Variants in EHBP1 observed in about 807,000 individuals in gnomAD.
EHBP1 encodes the protein EH domain binding protein 1.
A neutral mutation model predicts 144.0 loss-of-function variants in EHBP1; 55 were observed. The ratio of observed to expected loss-of-function variants is 0.38; its 90% confidence interval spans 0.31 to 0.48. The LOEUF is 0.48. Ranked by LOEUF, EHBP1 falls within the 20% of genes least tolerant of loss-of-function variation. EHBP1 has a pLI of 0.98. For missense variants in EHBP1, 1,200 were observed against 1,364.2 expected, an observed-to-expected ratio of 0.88 and a Z score of 1.90; for synonymous variants, 469 against 472.7, an observed-to-expected ratio of 0.99 and a Z score of 0.10.
intron 5 of EHBP1, among the ~76,000 whole-genome samples, chr2:62,814,293 T>C (rs1391497007): frequency 1.3e-5 from 2 of 152,266 alleles, no homozygotes; most frequent in African/African-American, 2.4e-5. Context: ...TTGCCTGCTC[T>C]CTTGTCCTTT....
At chr2:62,820,212 C>CAAAAAA (rs1295094411) in intron 5 of EHBP1, among the ~76,000 whole-genome samples, 1 of 44,732 alleles carries the variant, frequency 2.2e-5, no homozygotes, top group Non-Finnish European at 4.8e-5. Flanking sequence ...ACTCTTGTCT[C>CAAAAAA]AAAAAAAAAA....
chr2:62,908,133 A>G (rs2053942505), intron 10 of EHBP1, among the ~76,000 whole-genome samples: 1 of 152,198 alleles, frequency 6.6e-6, no homozygotes, highest in African/African-American at 2.4e-5. Flanking sequence ...AATTTCTATA[A>G]TAGCGGTATT....
chr2:62,687,138 C>T (rs991810204), intron 1 of EHBP1, among the ~76,000 whole-genome samples: 1 of 152,164 alleles, frequency 6.6e-6, no homozygotes, highest in African/African-American at 2.4e-5. Context: ...GTCTCTTTTT[C>T]TTTATTCTTA....
rs1242262614 is a variant in EHBP1, at chr2:62,838,406, C to T, written c.634+7248C>T. ...GAAAGCAGGAAAGATCCAAAATTGA[C>T]ACCCTAACATCACAATTAAAAGAAC... On this transcript the variant is annotated intron_variant, in intron 7 of 22. Coordinates refer to ENST00000431489, the MANE Select transcript of EHBP1 (RefSeq NM_001142616.3). Among the ~76,000 whole-genome samples the T allele has an allele frequency of 8.6e-5, 13 of 151,428 alleles. No homozygotes were observed. The East Asian group carries it at 2.5e-3, about 30-fold the overall frequency.
At chr2:62,865,832 C>T (rs1428985426) in intron 9 of EHBP1, among the ~76,000 whole-genome samples, 1 of 152,010 alleles carries the variant, frequency 6.6e-6, no homozygotes, top group Non-Finnish European at 1.5e-5. Context: ...CCAGTAATCA[C>T]CCTGAATTAA....
chr2:62,689,291 A>G (rs1031196052), intron 1 of EHBP1, among the ~76,000 whole-genome samples: 2 of 152,232 alleles, frequency 1.3e-5, no homozygotes, highest in African/African-American at 4.8e-5. Context: ...AAATAAAAGG[A>G]GGCTGGTTCA....
At chr2:62,820,769 T>C (rs1558730868) in intron 5 of EHBP1, among the ~76,000 whole-genome samples, 2 of 125,702 alleles carry the variant, frequency 1.6e-5, no homozygotes, top group African/African-American at 5.6e-5. Flanking sequence ...TATATATATA[T>C]ATATATATAT....
chr2:62,814,777 T>C (rs901512986), intron 5 of EHBP1, among the ~76,000 whole-genome samples: 5 of 152,176 alleles, frequency 3.3e-5, no homozygotes, highest in African/African-American at 1.2e-4. Flanking sequence ...AGAATTCCAA[T>C]AAAATAAATT....
chr2:62,752,725 A>C (rs1020052696), intron 3 of EHBP1, among the ~76,000 whole-genome samples: 5 of 152,052 alleles, frequency 3.3e-5, no homozygotes, highest in African/African-American at 9.7e-5. Context: ...TCCCTTTACC[A>C]TTATGTAATG....
chr2:62,904,534 C>T (rs537845385), intron 10 of EHBP1, among the ~76,000 whole-genome samples: 15 of 152,216 alleles, frequency 9.9e-5, no homozygotes, highest in Middle Eastern at 3.4e-3. Flanking sequence ...TGTGCTTCAC[C>T]CCCCCGGCCC....
At chr2:63,028,307 A>G (rs2061075208) in intron 19 of EHBP1, among the ~76,000 whole-genome samples, 1 of 152,212 alleles carries the variant, frequency 6.6e-6, no homozygotes, top group Admixed American at 6.5e-5. Context: ...GAACCCAAGC[A>G]TGATCAAAGC....
chr2:62,979,001 TG>T (rs1174751072), intron 14 of EHBP1, among the ~76,000 whole-genome samples, 186 bp from the exon 15 acceptor site: 1 of 152,222 alleles, frequency 6.6e-6, no homozygotes, highest in East Asian at 1.9e-4. Flanking sequence ...AATTTGTAAA[TG>T]TTTTTAAAAA....
intron 3 of EHBP1, among the ~76,000 whole-genome samples, chr2:62,748,806 T>C (rs1167995553): frequency 6.6e-6 from 1 of 152,170 alleles, no homozygotes; most frequent in African/African-American, 2.4e-5. Context: ...CCTACAATTT[T>C]CTGTATTTAA....
At chr2:62,942,054 A>T (rs1360012996) in intron 10 of EHBP1, among the ~76,000 whole-genome samples, 1 of 152,116 alleles carries the variant, frequency 6.6e-6, no homozygotes, top group Non-Finnish European at 1.5e-5. Context: ...CTCACCTGGT[A>T]TTCAAAAGTA....
intron 19 of EHBP1, among the ~76,000 whole-genome samples, chr2:62,999,418 A>G (rs933573886): frequency 6.6e-6 from 1 of 152,158 alleles, no homozygotes; most frequent in African/African-American, 2.4e-5. Context: ...AGTCATCACC[A>G]TTGTGTATTT....
chr2:62,916,389 C>G (rs1161900786), intron 10 of EHBP1, among the ~76,000 whole-genome samples: 1 of 151,670 alleles, frequency 6.6e-6, no homozygotes, highest in Non-Finnish European at 1.5e-5. Context: ...GCCAGGAGTT[C>G]AAGACCAGCC....
rs561209687 is a variant in EHBP1 at position 62,828,204 on chromosome 2, C to T, written c.494+1936C>T. Among the ~76,000 whole-genome samples the T allele has an allele frequency of 1.1e-4, 17 of 152,194 alleles. No individual in the cohort carries two copies. In the South Asian group the frequency reaches 2.9e-3, roughly 26 times the overall value. On this transcript the variant is annotated intron_variant, in intron 6 of 22. Coordinates refer to ENST00000431489, the MANE Select transcript of EHBP1 (RefSeq NM_001142616.3). The stretch of plus-strand genomic sequence containing the variant: ...AAGCCATACTATATTTAGAAGATAA[C>T]GGCGTATTAAGCATTACTTTACAAA...
Position 62,826,116 on chromosome 2 carries a change from T to A in EHBP1, c.342T>A (p.Leu114=), listed in dbSNP as rs1398577351. The A allele has an allele frequency of 6.6e-7, 1 of 1,514,236 alleles. No homozygotes were observed. Among genetic ancestry groups the A allele is most frequent in the East Asian group, 2.5e-5 (1 of 39,998 alleles). The allele number at this position is 1,514,236 out of a possible 1,614,324, so 93.8% of individuals were successfully genotyped here. ...CCCCTTCTGGTCGAAGGAAAGCTCT[T>A]GCTACTAGCAGCATCAATATGAAAC... ...NESPSGRRKA[L]ATSSINMKQY... The change falls in exon 6 of 23, where the codon CTT becomes CTA. Residue 114 remains leucine, a synonymous_variant. Transcript: ENST00000431489.
chr2:62,948,690 A>G lies in EHBP1; in HGVS notation c.1844A>G (p.Asp615Gly). Residue 615 changes from aspartate (D) to glycine (G), a missense_variant, in exon 13 of 23, where the codon GAC becomes GGC. By Grantham distance (94) the Asp-to-Gly change is moderately conservative. This residue lies in a region of EHBP1 where 543 missense variants were observed against 513.1 expected (regional missense o/e 1.06). Transcript: ENST00000431489. ...ASPYCRRTKSDTEPQKSQQSS... is the reference protein window; with the variant it reads ...ASPYCRRTKSGTEPQKSQQSS... ...CCTTACTGTCGCAGGACTAAAAGTG[A>G]CACAGAACCCCAGAAGTCTCAGCAG... 2.5e-6 allele frequency: 4 copies of G among 1,614,058 alleles called. No homozygotes were observed. In the African/African-American group the frequency reaches 4.0e-5, roughly 16 times the overall value.
Sources: allele counts gnomAD v4.1 joint callset (sites outside exome capture counted in the v4.1 genomes callset), GRCh38; gene constraint gnomAD v4.1.1; regional missense constraint gnomAD v4.1.1; transcripts MANE v1.5; gene names NCBI Gene and HGNC (gene_info 2026-07-23, HGNC 2026-07-21).